Variants in PELI2 observed in about 807,000 individuals in gnomAD.
PELI2 encodes pellino E3 ubiquitin protein ligase family member 2.
In PELI2, 23 loss-of-function variants were observed where a neutral mutation model predicts 42.3. That is an observed-to-expected ratio of 0.54 (90% confidence interval 0.39 to 0.77). The LOEUF is 0.77. Among genes scored for constraint, PELI2 ranks in the 30% least tolerant of loss-of-function variants. The probability of loss-of-function intolerance (pLI) is 0.00; values close to 1 mark genes in which losing one functional copy is unlikely to be tolerated. For missense variants in PELI2, 463 were observed against 553.2 expected (o/e 0.84, Z 1.64); for synonymous variants, 245 against 212.2 (o/e 1.15, Z -1.34).
chr14:56,254,179 T>A (rs947026706), intron 2 of PELI2, among the ~76,000 whole-genome samples: 1 of 152,160 alleles, frequency 6.6e-6, no homozygotes, highest in Non-Finnish European at 1.5e-5. Context: ...GGCAGGCAGA[T>A]CACGAGGTCA....
chr14:56,245,537 A>G (rs1474614103), intron 2 of PELI2, among the ~76,000 whole-genome samples: 1 of 152,198 alleles, frequency 6.6e-6, no homozygotes, highest in Non-Finnish European at 1.5e-5. Flanking sequence ...AAAATTTGGA[A>G]TATATGCCTT....
intron 1 of PELI2, among the ~76,000 whole-genome samples, chr14:56,127,445 T>C (rs1488647956): frequency 6.6e-6 from 1 of 152,220 alleles, no homozygotes; most frequent in East Asian, 1.9e-4. Context: ...TTATATTGGT[T>C]GTACCTGTCT....
chr14:56,272,888 C>T (rs1182760105), intron 2 of PELI2, among the ~76,000 whole-genome samples: 1 of 152,174 alleles, frequency 6.6e-6, no homozygotes, highest in East Asian at 1.9e-4. Context: ...GTAGGTAAGA[C>T]GTACACACAG....
intron 4 of PELI2, among the ~76,000 whole-genome samples, chr14:56,289,614 C>T (rs1372521128): frequency 6.6e-6 from 1 of 152,046 alleles, no homozygotes; most frequent in Non-Finnish European, 1.5e-5. Flanking sequence ...CCACCACCCC[C>T]CAACCCCCGC....
At chr14:56,174,642 C>G (rs1223775616) in intron 1 of PELI2, among the ~76,000 whole-genome samples, 9 of 152,168 alleles carry the variant, frequency 5.9e-5, no homozygotes, top group Non-Finnish European at 1.3e-4. Flanking sequence ...TCACTTTCCC[C>G]TTCTCGAGCT....
chr14:56,148,817 A>G (rs1034430003), intron 1 of PELI2, among the ~76,000 whole-genome samples: 1 of 152,132 alleles, frequency 6.6e-6, no homozygotes, highest in Non-Finnish European at 1.5e-5. Context: ...TGATCCTGGT[A>G]TCTAGTCCTG....
intron 2 of PELI2, among the ~76,000 whole-genome samples, chr14:56,253,823 C>T (rs1888433913): frequency 6.6e-6 from 1 of 151,992 alleles, no homozygotes; most frequent in African/African-American, 2.4e-5. Flanking sequence ...ACTTTCTTCA[C>T]AGAATTGGGA....
chr14:56,272,661 T>C (rs572557755), intron 2 of PELI2, among the ~76,000 whole-genome samples: 1 of 152,368 alleles, frequency 6.6e-6, no homozygotes, highest in African/African-American at 2.4e-5. Flanking sequence ...CTTTTTGTAG[T>C]CTATAATCAT....
chr14:56,189,629 G>A (rs1186699577), intron 2 of PELI2, among the ~76,000 whole-genome samples: 5 of 152,170 alleles, frequency 3.3e-5, no homozygotes, highest in Non-Finnish European at 7.3e-5. Context: ...TGGTTTCTCT[G>A]GGAAGTATTA....
chr14:56,140,388 A>G (rs979452679), intron 1 of PELI2, among the ~76,000 whole-genome samples: 11 of 152,250 alleles, frequency 7.2e-5, no homozygotes, highest in African/African-American at 2.7e-4. Flanking sequence ...AAATTAATCT[A>G]ATTTCTTCAA....
intron 1 of PELI2, among the ~76,000 whole-genome samples, chr14:56,159,077 T>A (rs565112298): frequency 2.7e-4 from 41 of 152,212 alleles, no homozygotes; most frequent in Non-Finnish European, 5.0e-4. Context: ...CTCACAGTCT[T>A]TAGATACAGA....
intron 1 of PELI2, among the ~76,000 whole-genome samples, chr14:56,174,692 C>T (rs893284358): frequency 3.9e-5 from 6 of 152,254 alleles, no homozygotes; most frequent in African/African-American, 1.4e-4. Flanking sequence ...TGATTGTTTC[C>T]CCTTTGGCTT....
intron 2 of PELI2, among the ~76,000 whole-genome samples, chr14:56,216,864 G>A (rs1886924975): frequency 1.3e-5 from 2 of 152,288 alleles, no homozygotes; most frequent in African/African-American, 4.8e-5. Context: ...CTTCTCTTGA[G>A]GCTGATTAGC....
Position 56,197,016 on chromosome 14 carries a change from G to A in PELI2, c.207+18552G>A, listed in dbSNP as rs1456893900. Among the ~76,000 whole-genome samples the A allele has an allele frequency of 2.7e-5, 4 of 150,564 alleles. No homozygotes were observed. In the East Asian group the frequency reaches 7.8e-4, roughly 29 times the overall value. On this transcript the variant is annotated intron_variant, in intron 2 of 5. Transcript: ENST00000267460. The surrounding 1 kb of genome is among the most constrained non-coding windows in gnomAD (Gnocchi z 4.9). ...ATACTTTAAGTATTTTATTCTAGGT[G>A]TTTAGATTTTTCTTGCATTAGAATT...
chr14:56,279,932 A>G (rs992990371), intron 3 of PELI2, among the ~76,000 whole-genome samples, 155 bp downstream of exon 3: 2 of 152,180 alleles, frequency 1.3e-5, no homozygotes, highest in South Asian at 4.1e-4. Context: ...AAGAATAAGA[A>G]AAAAACTTAA....
intron 1 of PELI2, among the ~76,000 whole-genome samples, chr14:56,157,091 G>C (rs1257384723): frequency 6.6e-6 from 1 of 152,078 alleles, no homozygotes; most frequent in Non-Finnish European, 1.5e-5. Context: ...GTATTTTCGT[G>C]GCGTACATGA....
intron 1 of PELI2, among the ~76,000 whole-genome samples, chr14:56,123,494 A>G (rs142161022): frequency 1.7e-3 from 255 of 152,280 alleles, no homozygotes; most frequent in African/African-American, 5.7e-3. Context: ...TCTGTGGGCT[A>G]TTAAGGGTTA....
chr14:56,135,592 T>A (rs1451771105), intron 1 of PELI2, among the ~76,000 whole-genome samples: 1 of 152,250 alleles, frequency 6.6e-6, no homozygotes, highest in Non-Finnish European at 1.5e-5. Flanking sequence ...GGCTTTCTGT[T>A]ACAAATGTAT....
At chr14:56,259,756 A>G (rs1008249689) in intron 2 of PELI2, among the ~76,000 whole-genome samples, 5 of 152,188 alleles carry the variant, frequency 3.3e-5, no homozygotes, top group African/African-American at 4.8e-5. Context: ...ACGAGAAGCT[A>G]TTCACACTAG....
Sources: gnomAD v4.1 joint callset for allele counts (sites outside exome capture counted in the v4.1 genomes callset) on GRCh38, gnomAD v4.1.1 for gene constraint, Gnocchi (gnomAD v3.1) non-coding constraint, MANE v1.5 for transcripts, NCBI Gene and HGNC (gene_info 2026-07-23, HGNC 2026-07-21) for gene names.